Variants in NUP188 observed in about 807,000 individuals in gnomAD.
The protein encoded by NUP188 is nucleoporin NUP188.
NUP188 carries 97 observed loss-of-function variants against 223.0 expected under a neutral mutation model. The ratio of observed to expected loss-of-function variants is 0.43; its 90% CI spans 0.37 to 0.51. The LOEUF (loss-of-function observed/expected upper bound fraction) is 0.51, where lower values mean the gene tolerates loss of function less well. Among genes scored for constraint, NUP188 ranks in the 20% least tolerant of loss-of-function variants. The pLI is 0.00. For synonymous variants in NUP188, 869 were observed against 828.0 expected (o/e 1.05, Z -0.85); for missense variants, 1,947 against 2,175.6 (o/e 0.89, Z 2.09).
chr9:128,972,891 T>C (rs1241637996), intron 11 of NUP188, among the ~76,000 whole-genome samples: 1 of 152,196 alleles, frequency 6.6e-6, no homozygotes, highest in Non-Finnish European at 1.5e-5. Flanking sequence ...AGGCTGGATA[T>C]GGTTTTCTTT....
At chr9:129,004,894 T>G in intron 38 of NUP188, 1 of 550,564 alleles carries the variant, frequency 1.8e-6, no homozygotes, top group South Asian at 2.1e-5. Context: ...TGGCCCAAGT[T>G]TGTAGCCCTG....
At chr9:128,998,353 G>T in intron 31 of NUP188, 125 bp downstream of exon 31, 1 of 1,043,738 alleles carries the variant, frequency 9.6e-7, no homozygotes, top group Non-Finnish European at 1.5e-6. Context: ...CGTTGGCCTG[G>T]GAGGCCTGAG....
chr9:128,966,128 CGTGTGTGTGTGTGTGTGTGT>C (rs34851120), intron 8 of NUP188, among the ~76,000 whole-genome samples: 1 of 136,752 alleles, frequency 7.3e-6, no homozygotes, highest in South Asian at 2.4e-4. Context: ...TTTCTGCCTC[CGTGTGTGTGTGTGTGTGTGT>C]GTGTGTGTGT....
chr9:128,963,854 T>G (rs892527369), intron 8 of NUP188, among the ~76,000 whole-genome samples: 7 of 151,516 alleles, frequency 4.6e-5, no homozygotes, highest in African/African-American at 1.7e-4. Flanking sequence ...TCTCACACTG[T>G]CGCCCAGGGT....
intron 11 of NUP188, among the ~76,000 whole-genome samples, chr9:128,972,230 G>A (rs1842114487): frequency 6.6e-6 from 1 of 152,192 alleles, no homozygotes; most frequent in African/African-American, 2.4e-5. Context: ...TAACTAAACT[G>A]TTGTACATCT....
In NUP188 at chr9:129,006,660, C is replaced by T. The variant is rs1753371940; in HGVS notation, c.5232C>T (p.Val1744=). The change falls in exon 44 of 44, where the codon GTC becomes GTT. Residue 1744 remains valine (V), a synonymous_variant. Transcript: ENST00000372577. ...EPLIQLVQAF[V]RHMQR ...TGATCCAGTTGGTGCAGGCGTTTGT[C>T]CGGCATATGCAAAGATAGGGCAGTG... The T allele has an allele frequency of 6.2e-7, 1 of 1,613,540 alleles. No homozygotes were observed. The highest frequency in any genetic ancestry group is 8.5e-7 in the Non-Finnish European group (1 of 1,179,882).
intron 12 of NUP188, among the ~76,000 whole-genome samples, chr9:128,975,473 C>T (rs1433744701): frequency 6.6e-6 from 1 of 152,078 alleles, no homozygotes; most frequent in Non-Finnish European, 1.5e-5. Context: ...CCGCCCGCCT[C>T]AGCCTCCCAA....
intron 24 of NUP188, 100 bp downstream of exon 24, chr9:128,988,286 G>GT: frequency 7.5e-7 from 1 of 1,332,076 alleles, no homozygotes; most frequent in Non-Finnish European, 1.0e-6. Context: ...GATGTCAACA[G>GT]TATTTTCTGC....
chr9:128,988,511 T>C (rs1842369594), intron 24 of NUP188, among the ~76,000 whole-genome samples: 1 of 152,168 alleles, frequency 6.6e-6, no homozygotes, highest in Non-Finnish European at 1.5e-5. Flanking sequence ...TTCTCATCTG[T>C]AAAATGGGGA....
rs369921088 is a variant in NUP188, at chr9:128,999,797, C to T, written c.3835C>T (p.Arg1279Cys). The T allele has an allele frequency of 1.1e-5, 17 of 1,614,016 alleles. No homozygotes were observed. In the East Asian group the frequency reaches 1.3e-4, roughly 13 times the overall value. The change falls in exon 34 of 44, where the codon CGT becomes TGT. Residue 1279 changes from arginine to cysteine, a missense_variant. Physicochemically the swap from Arg to Cys is radical, Grantham distance 180. This residue lies in a region of NUP188 where 905 missense variants were observed against 990.6 expected (regional missense o/e 0.91). Coordinates refer to ENST00000372577, the MANE Select transcript of NUP188 (RefSeq NM_015354.3). ...TTCTCGGTCCCGGCACAGGGACCAG[C>T]GTGATGGGGTGAGACAGTGCCCTAG... ...DCSRSRHRDQ[R>C]DGVCVLGLHL...
At chr9:129,000,236 C>T (rs182248670) in intron 34 of NUP188, among the ~76,000 whole-genome samples, 38 of 152,260 alleles carry the variant, frequency 2.5e-4, no homozygotes, top group African/African-American at 8.2e-4. Context: ...GGATTACAGG[C>T]GTGCCCAAGA....
At position 128,979,338 on chromosome 9, in the gene NUP188, C is replaced by CAG; in HGVS notation, c.1269+18_1269+19dup. The CAG allele has an allele frequency of 6.3e-7, 1 of 1,596,118 alleles. No individual in the cohort carries two copies. The highest frequency in any genetic ancestry group is 8.6e-7 in the Non-Finnish European group (1 of 1,164,682). On this transcript the variant is annotated intron_variant, in intron 13 of 43. Coordinates refer to ENST00000372577, the MANE Select transcript of NUP188 (RefSeq NM_015354.3). ...CTGTTCTGGGGAACAGTAAGTATGTCAGAGAGAGTCACTGCATAGCAAAAG... is the reference window on the plus strand; with the variant it reads ...CTGTTCTGGGGAACAGTAAGTATGTCAGAGAGAGAGTCACTGCATAGCAAAAG...
At chr9:128,979,384 T>G (rs1213278710) in intron 13 of NUP188, 57 bp downstream of exon 13, 1 of 1,315,346 alleles carries the variant, frequency 7.6e-7, no homozygotes, top group African/African-American at 1.5e-5. Flanking sequence ...ACACTTGTTT[T>G]CTTACAGGTT....
chr9:128,958,862 A>G lies in NUP188; in HGVS notation c.433A>G (p.Thr145Ala). ...TCTTCGTTGTGTCTTACACCTTCTC[A>G]CTTACTTCCAAGATGAAAGACACCC... ...CILRCVLHLL[T>A]YFQDERHPYR... Residue 145 changes from threonine to alanine, a missense_variant, in exon 7 of 44, where the codon ACT becomes GCT. Coordinates refer to ENST00000372577, the MANE Select transcript of NUP188 (RefSeq NM_015354.3). 1 of 1,601,658 alleles carries G rather than the reference A, an allele frequency of 6.2e-7. No homozygotes were observed. The highest frequency in any genetic ancestry group is 8.5e-7 in the Non-Finnish European group (1 of 1,172,162).
intron 8 of NUP188, among the ~76,000 whole-genome samples, chr9:128,960,748 G>C (rs1041689436): frequency 6.6e-6 from 1 of 152,024 alleles, no homozygotes; most frequent in East Asian, 1.9e-4. Flanking sequence ...TCAGGAGTTC[G>C]AGACAAGCCT....
intron 31 of NUP188, 64 bp downstream of exon 31, chr9:128,998,292 A>AT: frequency 7.1e-7 from 1 of 1,402,352 alleles, no homozygotes; most frequent in Non-Finnish European, 1.0e-6. Context: ...CAAATAGCAG[A>AT]GGTCATGAGT....
At chr9:128,955,284 T>G (rs752431385) in intron 3 of NUP188, among the ~76,000 whole-genome samples, 2 of 152,204 alleles carry the variant, frequency 1.3e-5, no homozygotes, top group Non-Finnish European at 2.9e-5. Flanking sequence ...TTTTTTCTCT[T>G]TTCCTATTTT....
At chr9:128,969,986 G>A (rs1842083985) in intron 10 of NUP188, among the ~76,000 whole-genome samples, 1 of 151,966 alleles carries the variant, frequency 6.6e-6, no homozygotes, top group South Asian at 2.1e-4. Context: ...GGAGTGCAGT[G>A]GTGCCATCTC....
chr9:128,997,209 A>G lies in NUP188; in HGVS notation c.3352-942A>G, dbSNP rs1465866615. 3.9e-5 allele frequency among the ~76,000 whole-genome samples: 6 copies of G among 152,178 alleles called. No individual in the cohort carries two copies. The South Asian group carries it at 1.0e-3, about 26-fold the overall frequency. Reference sequence around the variant, plus strand: ...TCTAGGCAGATGGACTTGCAAGTGCAAAGTTCCAGCAGTGGAAAAGAGCTT... The same window carrying G: ...TCTAGGCAGATGGACTTGCAAGTGCGAAGTTCCAGCAGTGGAAAAGAGCTT... On this transcript the variant is annotated intron_variant, in intron 30 of 43. Coordinates refer to ENST00000372577, the MANE Select transcript of NUP188 (RefSeq NM_015354.3).
Sources: allele counts gnomAD v4.1 joint callset (sites outside exome capture counted in the v4.1 genomes callset), GRCh38; gene constraint gnomAD v4.1.1; regional missense constraint gnomAD v4.1.1; transcripts MANE v1.5; gene names NCBI Gene and HGNC (gene_info 2026-07-23, HGNC 2026-07-21).